Variants in CLCA4 observed in about 807,000 individuals in gnomAD.
CLCA4 encodes chloride channel accessory 4.
In CLCA4, 69 loss-of-function variants were observed where a neutral mutation model predicts 78.9. That is an observed-to-expected ratio of 0.87 (90% CI 0.72 to 1.07). The LOEUF (loss-of-function observed/expected upper bound fraction) is 1.07, where lower values mean the gene tolerates loss of function less well. CLCA4 is among the 50% of genes least tolerant of loss of function. CLCA4 has a pLI of 0.00. For missense variants in CLCA4, 1,133 were observed against 1,095.8 expected (o/e 1.03, Z -0.48); for synonymous variants, 362 against 375.8 (o/e 0.96, Z 0.42).
chr1:86,552,577 G>T, intron 1 of CLCA4: 1 of 585,594 alleles, frequency 1.7e-6, no homozygotes, highest in Non-Finnish European at 3.1e-6. Flanking sequence ...GTGCTCACGT[G>T]TCCACGCGTC....
At chr1:86,553,480 C>A (rs1019770088) in intron 1 of CLCA4, 4 of 319,218 alleles carry the variant, frequency 1.3e-5, no homozygotes, top group Non-Finnish European at 2.3e-5. Context: ...CTGTCCGACC[C>A]GCGAGTCTGC....
intron 11 of CLCA4, 140 bp downstream of exon 11, chr1:86,575,739 T>A (rs1650497547): frequency 2.6e-6 from 2 of 779,086 alleles, no homozygotes; most frequent in Admixed American, 4.8e-5. Context: ...CAGGAAATTT[T>A]ATCTAGGTAA....
chr1:86,549,165 G>A (rs1343565035), intron 1 of CLCA4, among the ~76,000 whole-genome samples: 1 of 152,144 alleles, frequency 6.6e-6, no homozygotes, highest in Non-Finnish European at 1.5e-5. Flanking sequence ...GGCTGGATTG[G>A]GGGAGAATGT....
intron 4 of CLCA4, among the ~76,000 whole-genome samples, chr1:86,564,928 T>G (rs1650132646): frequency 6.6e-6 from 1 of 151,986 alleles, no homozygotes; most frequent in Non-Finnish European, 1.5e-5. Flanking sequence ...TCAGAGTAAA[T>G]TGTCTCAAAA....
At chr1:86,548,684 G>GAAAAAAAAAAAA (rs10615856) in intron 1 of CLCA4, among the ~76,000 whole-genome samples, 1 of 94,150 alleles carries the variant, frequency 1.1e-5, no homozygotes, top group African/African-American at 4.0e-5. Flanking sequence ...TCCCTCTCTG[G>GAAAAAAAAAAAA]AAAAAAAAAA....
Position 86,579,459 on chromosome 1 carries a change from A to G in CLCA4, c.2228A>G (p.Gln743Arg). 1 of 1,613,350 alleles carries G rather than the reference A, an allele frequency of 6.2e-7. No individual in the cohort carries two copies. Among genetic ancestry groups the G allele is most frequent in the East Asian group, 2.2e-5 (1 of 44,840 alleles). ...TASGGAFVVS[Q>R]VPSLPLPDQY... ...TCCGGAGGTGCATTTGTGGTATCAC[A>G]AGTCCCAAGCCTTCCCTTGCCTGAC... Residue 743 changes from glutamine (Q) to arginine (R), a missense_variant, in exon 13 of 14, where the codon CAA becomes CGA. Gln to Arg is a conservative substitution (Grantham distance 43, BLOSUM62 1). Coordinates refer to ENST00000370563, the MANE Select transcript of CLCA4 (RefSeq NM_012128.4).
chr1:86,565,547 A>G (rs998361971), intron 5 of CLCA4, 96 bp downstream of exon 5: 3 of 972,504 alleles, frequency 3.1e-6, no homozygotes, highest in Non-Finnish European at 4.6e-6. Context: ...GATTATATAT[A>G]TTGATATAGA....
intron 3 of CLCA4, among the ~76,000 whole-genome samples, chr1:86,562,864 A>G (rs1650065733): frequency 1.3e-5 from 2 of 151,454 alleles, no homozygotes. Flanking sequence ...AAAAAAAAAA[A>G]AAAAAAAGAA....
At chr1:86,560,119 A>G (rs1012757727) in intron 2 of CLCA4, 47 bp downstream of exon 2, 1 of 1,554,968 alleles carries the variant, frequency 6.4e-7, no homozygotes, top group Admixed American at 2.1e-5. Flanking sequence ...TCTGATATTA[A>G]CCATTTTTGC....
intron 3 of CLCA4, 152 bp from the exon 4 acceptor site, chr1:86,563,509 A>G (rs890758838): frequency 2.5e-5 from 12 of 473,144 alleles, no homozygotes; most frequent in Admixed American, 1.2e-4. Context: ...ATTTAATGCA[A>G]TAGGCTTTTT....
At chr1:86,567,294 C>T (rs1454795260) in intron 6 of CLCA4, 130 bp from the exon 7 acceptor site, 1 of 788,476 alleles carries the variant, frequency 1.3e-6, no homozygotes, top group African/African-American at 1.8e-5. Context: ...TTGATAATTG[C>T]TTCCTTTAAC....
In CLCA4 at chr1:86,569,501, CG is replaced by C. The variant is rs765022358; in HGVS notation, c.1183-1574del. On this transcript the variant is annotated intron_variant, in intron 7 of 13. Coordinates refer to ENST00000370563, the MANE Select transcript of CLCA4 (RefSeq NM_012128.4). ...AAAGCTCTTGAAGGGTTGAAAGTAT[CG>C]GAGTTTGATAATCAATTTATGTTCC... Among the ~76,000 whole-genome samples the C allele has an allele frequency of 7.3e-4, 111 of 151,944 alleles. 1 individual carries two copies. The highest frequency in any genetic ancestry group is 6.8e-3 in the Middle Eastern group (2 of 294).
In CLCA4 at chr1:86,565,820, G is replaced by T; in HGVS notation, c.754G>T (p.Glu252Ter). ...CTTTTAGGTTGTTGAATTTTGTAACGAAAAAACCCATAATCAAGAAGCTCC... is the reference window on the plus strand; with the variant it reads ...CTTTTAGGTTGTTGAATTTTGTAACTAAAAAACCCATAATCAAGAAGCTCC... Reference protein sequence around the residue: ...SIDSVVEFCNEKTHNQEAPSL... With the variant: ...SIDSVVEFCN Residue 252 changes from glutamate to a stop codon, truncating the protein, a stop_gained, in exon 6 of 14, where the codon GAA becomes TAA. Coordinates refer to ENST00000370563, the MANE Select transcript of CLCA4 (RefSeq NM_012128.4). LOFTEE classifies it high-confidence loss of function. The T allele has an allele frequency of 6.6e-7, 1 of 1,519,770 alleles. No homozygotes were observed. Among genetic ancestry groups the T allele is most frequent in the South Asian group, 1.3e-5 (1 of 74,416 alleles). 94.1% of individuals were successfully genotyped at this position (1,519,770 alleles called of 1,614,324 possible). A position where few individuals can be genotyped will look rare whatever the true frequency, so the allele number is the denominator to read the frequency against.
chr1:86,565,130 A>AGCTAAT (rs2101803820), intron 4 of CLCA4, 144 bp from the exon 5 acceptor site: 3 of 534,008 alleles, frequency 5.6e-6, no homozygotes, highest in Non-Finnish European at 9.8e-6. Flanking sequence ...GAACCCTTAA[A>AGCTAAT]CCCTATAGCC....
At chr1:86,552,133 A>G (rs1291647301) in intron 1 of CLCA4, among the ~76,000 whole-genome samples, 1 of 152,246 alleles carries the variant, frequency 6.6e-6, no homozygotes, top group African/African-American at 2.4e-5. Context: ...TGTCGCAGCA[A>G]AGGATATTTA....
intron 4 of CLCA4, 70 bp from the exon 5 acceptor site, chr1:86,565,202 TAG>T (rs1650140948): frequency 9.5e-7 from 1 of 1,057,046 alleles, no homozygotes; most frequent in Non-Finnish European, 1.4e-6. Context: ...TCATCATGAA[TAG>T]AACCACTTAA....
intron 13 of CLCA4, 150 bp downstream of exon 13, chr1:86,579,737 A>C: frequency 1.4e-6 from 1 of 730,378 alleles, no homozygotes; most frequent in Non-Finnish European, 2.2e-6. Context: ...AATCAATCAA[A>C]TGACACATTT....
Position 86,560,244 on chromosome 1 carries a change from G to A in CLCA4, c.334G>A (p.Gly112Ser), listed in dbSNP as rs762204993. The A allele has an allele frequency of 9.3e-6, 15 of 1,613,792 alleles. No homozygotes were observed. The highest frequency in any genetic ancestry group is 1.3e-5 in the Non-Finnish European group (15 of 1,179,884). ...TATAGTTGCACCACCTACACTCCCAGGTAGAGATGAACCATACACCAAGCA... is the reference window on the plus strand; with the variant it reads ...TATAGTTGCACCACCTACACTCCCAAGTAGAGATGAACCATACACCAAGCA... ...DVIVAPPTLP[G>S]RDEPYTKQFT... The change falls in exon 3 of 14, where the codon GGT becomes AGT. Residue 112 changes from glycine (G) to serine (S), a missense_variant. Gly to Ser is a moderately conservative substitution (Grantham distance 56). Coordinates refer to ENST00000370563, the MANE Select transcript of CLCA4 (RefSeq NM_012128.4).
chr1:86,570,726 GA>G (rs1650326156), intron 7 of CLCA4, among the ~76,000 whole-genome samples: 1 of 152,050 alleles, frequency 6.6e-6, no homozygotes, highest in Non-Finnish European at 1.5e-5. Flanking sequence ...TCCAGTCAAA[GA>G]AAACATAACA....
Sources: gnomAD v4.1 joint callset for allele counts (sites outside exome capture counted in the v4.1 genomes callset) on GRCh38, gnomAD v4.1.1 for gene constraint, MANE v1.5 for transcripts, NCBI Gene and HGNC (gene_info 2026-07-23, HGNC 2026-07-21) for gene names.